Variants in ARB2A observed in about 807,000 individuals in gnomAD.
ARB2A encodes the protein ARB2 cotranscriptional regulator A.
the ARB2A span, among the ~76,000 whole-genome samples, chr5:93,655,882 T>C: frequency 6.6e-6 from 1 of 152,214 alleles, no homozygotes; most frequent in Non-Finnish European, 1.5e-5. Flanking sequence ...CATCCCATTA[T>C]CCTGTTAAAT....
At chr5:94,074,093 A>T in the ARB2A span, among the ~76,000 whole-genome samples, 1 of 152,108 alleles carries the variant, frequency 6.6e-6, no homozygotes, top group Non-Finnish European at 1.5e-5. Context: ...TAAAGGTCTC[A>T]GTGCCCATAG....
At chr5:93,729,641 A>T in the ARB2A span, among the ~76,000 whole-genome samples, 1 of 152,176 alleles carries the variant, frequency 6.6e-6, no homozygotes, top group African/African-American at 2.4e-5. Flanking sequence ...AACATAAATG[A>T]GAAATCAAAC....
At chr5:93,747,353 A>G in the ARB2A span, among the ~76,000 whole-genome samples, 1 of 152,162 alleles carries the variant, frequency 6.6e-6, no homozygotes, top group African/African-American at 2.4e-5. Flanking sequence ...GAATCTCTTT[A>G]GGAAACTATG....
At chr5:93,759,595 T>C in the ARB2A span, among the ~76,000 whole-genome samples, 58 of 152,194 alleles carry the variant, frequency 3.8e-4, no homozygotes, top group African/African-American at 1.3e-3. Context: ...GTTTAACATA[T>C]GCAAGTCAAT....
At chr5:93,754,455 C>T in the ARB2A span, among the ~76,000 whole-genome samples, 2 of 152,154 alleles carry the variant, frequency 1.3e-5, no homozygotes, top group South Asian at 4.1e-4. Flanking sequence ...TACTTAAAGG[C>T]ACTTAGGGAG....
chr5:93,901,282 G>C, the ARB2A span, among the ~76,000 whole-genome samples: 2 of 152,308 alleles, frequency 1.3e-5, no homozygotes, highest in East Asian at 3.9e-4. Flanking sequence ...ATAATGGCAA[G>C]ATTGAATCTA....
At chr5:93,881,332 T>C in the ARB2A span, 2 of 603,316 alleles carry the variant, frequency 3.3e-6, no homozygotes, top group Non-Finnish European at 5.4e-6. Flanking sequence ...ACCCATTTAA[T>C]CCAAGTAGAC....
At chr5:93,665,722 C>G in the ARB2A span, among the ~76,000 whole-genome samples, 1 of 152,120 alleles carries the variant, frequency 6.6e-6, no homozygotes, top group African/African-American at 2.4e-5. Flanking sequence ...GACATCATAG[C>G]GTGTCTGATA....
At chr5:93,741,875 C>A in the ARB2A span, among the ~76,000 whole-genome samples, 56 of 147,520 alleles carry the variant, frequency 3.8e-4, no homozygotes, top group African/African-American at 1.3e-3. Flanking sequence ...CTGAATAGAA[C>A]CCAGGTATTT....
At chr5:94,071,362 A>G in the ARB2A span, among the ~76,000 whole-genome samples, 45 of 152,010 alleles carry the variant, frequency 3.0e-4, 1 homozygote, top group East Asian at 7.0e-3. Context: ...ATGACACTAA[A>G]TGCACAGTTT....
the ARB2A span, among the ~76,000 whole-genome samples, chr5:93,985,164 T>C: frequency 1.3e-5 from 2 of 152,214 alleles, no homozygotes; most frequent in Non-Finnish European, 2.9e-5. Context: ...CTCTTTCTTA[T>C]AGCAGACTAA....
the ARB2A span, among the ~76,000 whole-genome samples, chr5:94,028,149 T>C: frequency 6.6e-6 from 1 of 152,368 alleles, no homozygotes; most frequent in South Asian, 2.1e-4. Context: ...GCCTGTTCTT[T>C]GTCCCAGATA....
the ARB2A span, among the ~76,000 whole-genome samples, chr5:94,072,228 G>A: frequency 6.6e-6 from 1 of 152,072 alleles, no homozygotes; most frequent in Non-Finnish European, 1.5e-5. Flanking sequence ...GTTGGCAGTT[G>A]GGGACATTCC....
the ARB2A span, among the ~76,000 whole-genome samples, chr5:94,065,729 G>T: frequency 6.6e-6 from 1 of 152,052 alleles, no homozygotes; most frequent in African/African-American, 2.4e-5. Flanking sequence ...GACATATAAA[G>T]CAAACATTAT....
the ARB2A span, among the ~76,000 whole-genome samples, chr5:93,692,586 C>A: frequency 6.6e-6 from 1 of 152,156 alleles, no homozygotes; most frequent in Admixed American, 6.5e-5. Context: ...TAGAATCCCA[C>A]ACAATAATAC....
At chr5:93,714,137 T>C in the ARB2A span, among the ~76,000 whole-genome samples, 446 of 152,330 alleles carry the variant, frequency 2.9e-3, 2 homozygotes, top group African/African-American at 0.01. Flanking sequence ...ACATGCAGTT[T>C]CATATCATTT....
chr5:94,035,213 A>ATATACG, the ARB2A span, among the ~76,000 whole-genome samples: 1 of 149,088 alleles, frequency 6.7e-6, no homozygotes, highest in African/African-American at 2.5e-5. Context: ...ATACATATAC[A>ATATACG]TATACATATA....
chr5:93,825,946 T>C, the ARB2A span, among the ~76,000 whole-genome samples: 1 of 151,806 alleles, frequency 6.6e-6, no homozygotes, highest in African/African-American at 2.4e-5. Flanking sequence ...TATATATACA[T>C]TTTTTCTAAA....
chr5:93,960,081 GCCC>G, the ARB2A span, among the ~76,000 whole-genome samples: 8 of 39,086 alleles, frequency 2.0e-4, no homozygotes, highest in African/African-American at 8.4e-4. Flanking sequence ...AACTCTAGAT[GCCC>G]CCCCCCCCCC....
Sources: gnomAD v4.1 joint callset for allele counts (sites outside exome capture counted in the v4.1 genomes callset) on GRCh38, gnomAD v4.1.1 for gene constraint, MANE v1.5 for transcripts, NCBI Gene and HGNC (gene_info 2026-07-23, HGNC 2026-07-21) for gene names.